PAM: variants seen among roughly 807,000 people sequenced by gnomAD.
The protein encoded by PAM is peptidyl-glycine alpha-amidating monooxygenase.
PAM carries 72 observed loss-of-function variants against 122.1 expected under a neutral mutation model. The observed-to-expected ratio is 0.59, with a 90% confidence interval of 0.49 to 0.72. The LOEUF (loss-of-function observed/expected upper bound fraction) is 0.72. Ranked by LOEUF, PAM falls within the 30% of genes least tolerant of loss-of-function variation. The probability of loss-of-function intolerance (pLI) is 0.00; values close to 1 mark genes in which losing one functional copy is unlikely to be tolerated. For synonymous variants in PAM, 389 were observed against 404.4 expected, an observed-to-expected ratio of 0.96 and a Z score of 0.46; for missense variants, 1,106 against 1,183.7, an observed-to-expected ratio of 0.93 and a Z score of 0.96.
intron 7 of PAM, among the ~76,000 whole-genome samples, chr5:102,929,197 A>G (rs1301172175): frequency 6.6e-6 from 1 of 152,016 alleles, no homozygotes; most frequent in Non-Finnish European, 1.5e-5. Flanking sequence ...AGTGTACTGC[A>G]CTCCCACTCA....
chr5:102,861,935 TGA>T (rs2150890047), intron 1 of PAM, among the ~76,000 whole-genome samples: 1 of 152,224 alleles, frequency 6.6e-6, no homozygotes, highest in African/African-American at 2.4e-5. Flanking sequence ...TTCAGGAGGC[TGA>T]GACAGGCAGA....
chr5:102,817,162 A>G (rs1395473873), intron 1 of PAM, among the ~76,000 whole-genome samples: 3 of 152,122 alleles, frequency 2.0e-5, no homozygotes, highest in African/African-American at 4.8e-5. Flanking sequence ...ACTCTTAAAT[A>G]TTATTTGAAA....
chr5:102,755,304 C>G (rs907192835), upstream of PAM: 1 of 152,102 alleles, frequency 6.6e-6, no homozygotes, highest in Non-Finnish European at 1.5e-5. Context: ...CTCCGCCGCC[C>G]GCAGGCTCCG....
intron 3 of PAM, among the ~76,000 whole-genome samples, chr5:102,898,615 C>A (rs1796831389): frequency 6.6e-6 from 1 of 151,540 alleles, no homozygotes; most frequent in Admixed American, 6.6e-5. Context: ...TAGTTCATTG[C>A]AGTTAGTCAC....
chr5:103,029,246 A>G lies in PAM; in HGVS notation c.*181A>G. 6.7e-6 allele frequency: 3 copies of G among 448,036 alleles called. No individual in the cohort carries two copies. Among genetic ancestry groups the G allele is most frequent in the Non-Finnish European group, 7.8e-6 (2 of 257,416 alleles). 27.8% of individuals were successfully genotyped at this position (448,036 alleles called of 1,614,324 possible). A position where few individuals can be genotyped will look rare whatever the true frequency, so the allele number is the denominator to read the frequency against. Reference sequence around the variant, plus strand: ...TCTGTTTCTAGTTGAGGAGTTTCCTAAAAGTTCATAACAGTGCCATTGTCT... The same window carrying G: ...TCTGTTTCTAGTTGAGGAGTTTCCTGAAAGTTCATAACAGTGCCATTGTCT... On this transcript the variant is annotated 3_prime_UTR_variant, in exon 26 of 26. Coordinates refer to ENST00000438793, the MANE Select transcript of PAM (RefSeq NM_001177306.2).
At chr5:102,772,619 G>A (rs1042295258) in intron 1 of PAM, among the ~76,000 whole-genome samples, 8 of 152,056 alleles carry the variant, frequency 5.3e-5, no homozygotes, top group African/African-American at 1.2e-4. Flanking sequence ...TATACTTGTC[G>A]TAGTATTACT....
At chr5:103,002,967 T>C in intron 16 of PAM, 66 bp from the exon 17 acceptor site, 2 of 771,230 alleles carry the variant, frequency 2.6e-6, no homozygotes, top group Non-Finnish European at 2.4e-6. Flanking sequence ...ATGTGAATGG[T>C]CTGCATTTCT....
At position 102,768,164 on chromosome 5, in the gene PAM, T is replaced by G. The variant is rs117664909; in HGVS notation, c.-374+12816T>G. On this transcript the variant is annotated intron_variant, in intron 1 of 25. Transcript: ENST00000438793. The stretch of plus-strand genomic sequence containing the variant: ...TACCATTAACATTTTCCACTCTGAT[T>G]CATACCTAACCATGTCTTTTAAAAA... Among the ~76,000 whole-genome samples, 29 of 152,290 alleles carry G rather than the reference T, an allele frequency of 1.9e-4. No individual in the cohort carries two copies. The East Asian group carries it at 5.4e-3, about 28-fold the overall frequency.
intron 24 of PAM, among the ~76,000 whole-genome samples, chr5:103,025,553 A>G (rs1448458706): frequency 6.6e-6 from 1 of 152,172 alleles, no homozygotes; most frequent in Non-Finnish European, 1.5e-5. Context: ...TTGGATAGTT[A>G]GATTAAAATA....
intron 3 of PAM, among the ~76,000 whole-genome samples, chr5:102,875,548 G>A (rs926572642): frequency 2.0e-5 from 3 of 152,148 alleles, no homozygotes; most frequent in South Asian, 2.1e-4. Flanking sequence ...TATGTAGAAA[G>A]ACATGCTACT....
chr5:102,958,200 C>T (rs988695300), intron 12 of PAM, among the ~76,000 whole-genome samples: 6 of 152,100 alleles, frequency 3.9e-5, no homozygotes, highest in African/African-American at 1.4e-4. Flanking sequence ...TGGAAGGACC[C>T]ATCCATTGAT....
chr5:102,911,368 T>G (rs959253467), intron 4 of PAM, among the ~76,000 whole-genome samples: 3 of 151,930 alleles, frequency 2.0e-5, no homozygotes, highest in Non-Finnish European at 1.5e-5. Flanking sequence ...TCTGAAGAAT[T>G]TTCTTTTTCT....
intron 1 of PAM, among the ~76,000 whole-genome samples, chr5:102,830,252 G>T (rs1313152610): frequency 3.3e-5 from 5 of 151,860 alleles, no homozygotes; most frequent in African/African-American, 9.7e-5. Context: ...TAGCATAATT[G>T]TTTTTTTTCT....
intron 3 of PAM, among the ~76,000 whole-genome samples, chr5:102,881,823 G>A (rs1038747280): frequency 3.3e-5 from 5 of 150,826 alleles, no homozygotes; most frequent in African/African-American, 1.2e-4. Flanking sequence ...CCAGTGTGTA[G>A]TCTTTTATCC....
chr5:102,801,989 A>G (rs1021609395), intron 1 of PAM, among the ~76,000 whole-genome samples: 3 of 151,046 alleles, frequency 2.0e-5, no homozygotes, highest in African/African-American at 4.9e-5. Context: ...CGTGTTAGCC[A>G]GGATGGTCTC....
intron 21 of PAM, among the ~76,000 whole-genome samples, chr5:103,015,164 T>G (rs2151199199): frequency 6.6e-6 from 1 of 152,328 alleles, no homozygotes; most frequent in East Asian, 1.9e-4. Flanking sequence ...AATGTGCTGC[T>G]TAACCTTTTC....
At chr5:102,987,443 G>A (rs1423707150) in intron 15 of PAM, 3 of 412,586 alleles carry the variant, frequency 7.3e-6, no homozygotes, top group Non-Finnish European at 1.4e-5. Flanking sequence ...GTAGAGAGAT[G>A]AAATAACTTT....
rs763074570 is a variant in PAM, at chr5:102,876,137, CTTTAT to C, written c.210+8747_210+8751del. ...TTCTCTCGGCCAAATACACTAGAGTCTTTATTTATGGTTCTTTTCTCCCTCAGAGC... is the reference window on the plus strand; with the variant it reads ...TTCTCTCGGCCAAATACACTAGAGTCTTATGGTTCTTTTCTCCCTCAGAGC... On this transcript the variant is annotated intron_variant, in intron 3 of 25. Coordinates refer to ENST00000438793, the MANE Select transcript of PAM (RefSeq NM_001177306.2). Among the ~76,000 whole-genome samples the C allele has an allele frequency of 1.9e-4, 29 of 152,244 alleles. No homozygotes were observed. In the Middle Eastern group the frequency reaches 0.014, roughly 71 times the overall value.
intron 16 of PAM, among the ~76,000 whole-genome samples, chr5:102,991,193 T>G (rs1256171029): frequency 1.3e-5 from 2 of 152,202 alleles, no homozygotes; most frequent in Non-Finnish European, 2.9e-5. Context: ...GCTTCCCATC[T>G]AACTCCAGAG....
Sources: gnomAD v4.1 joint callset for allele counts (sites outside exome capture counted in the v4.1 genomes callset) on GRCh38, gnomAD v4.1.1 for gene constraint, MANE v1.5 for transcripts, NCBI Gene and HGNC (gene_info 2026-07-23, HGNC 2026-07-21) for gene names.